Variants in TUFM observed in about 807,000 individuals in gnomAD.
TUFM encodes elongation factor Tu, mitochondrial.
In TUFM, 23 loss-of-function variants were observed where a neutral mutation model predicts 45.0. The ratio of observed to expected loss-of-function variants is 0.51; its 90% CI spans 0.37 to 0.72. TUFM has a LOEUF of 0.72. Ranked by LOEUF, TUFM falls within the 30% of genes least tolerant of loss-of-function variation. The pLI is 0.00. For synonymous variants in TUFM, 243 were observed against 252.9 expected (o/e 0.96, Z 0.37); for missense variants, 490 against 610.7 (o/e 0.80, Z 2.08).
At chr16:28,845,181 G>A in intron 3 of TUFM, 126 bp from the exon 4 acceptor site, 3 of 1,561,746 alleles carry the variant, frequency 1.9e-6, no homozygotes, top group Non-Finnish European at 2.6e-6. Flanking sequence ...CACCCATTCT[G>A]CGTGGCCAAG....
Position 28,844,252 on chromosome 16 carries a change from C to A in TUFM, c.900G>T (p.Lys300Asn). Residue 300 changes from lysine to asparagine, a missense_variant, in exon 7 of 10, where the codon AAG (lysine) becomes AAT (asparagine). Lys to Asn is a moderately conservative substitution (Grantham distance 94). Coordinates refer to ENST00000313511, the MANE Select transcript of TUFM (RefSeq NM_003321.5). The surrounding 1 kb of genome is among the most constrained non-coding windows in gnomAD (Gnocchi z 5.8). ...AACCTGTCACCACAGTGCGGATGTT[C>A]TTGCTATGTCCTAGGAGCTCACACT... is the stretch of plus-strand genomic sequence containing the variant. The part of the protein sequence containing the change: ...GDECELLGHS[K>N]NIRTVVTGIE... The A allele has an allele frequency of 6.2e-7, 1 of 1,614,194 alleles. No individual in the cohort carries two copies. Among genetic ancestry groups the A allele is most frequent in the South Asian group, 1.1e-5 (1 of 91,088 alleles).
rs61737565 is a variant in TUFM, at chr16:28,844,201, G to C, written c.922+29C>G. The C allele has an allele frequency of 0.37, 601,062 of 1,613,226 alleles. 116,887 individuals are homozygous for C. Among genetic ancestry groups the C allele is most frequent in the Admixed American group, 0.47 (28,085 of 60,000 alleles). On this transcript the variant is annotated intron_variant, in intron 7 of 9. Coordinates refer to ENST00000313511, the MANE Select transcript of TUFM (RefSeq NM_003321.5). The surrounding 1 kb of genome is among the most constrained non-coding windows in gnomAD (Gnocchi z 5.8). ...CGGGGTAAGGCCACCCTTCAGCCAG[G>C]CCCTGCTCTCCAGACTGGCTTCCCA...
Position 28,843,201 on chromosome 16 carries a change from TAA to T in TUFM, c.1195-55_1195-54del, listed in dbSNP as rs546848930. On this transcript the variant is annotated intron_variant, in intron 9 of 9. Transcript: ENST00000313511. Reference sequence around the variant, plus strand: ...TGGCCTCCAGGGTGCCTTCATTCCTTAAGTCTTTTTTGGCTACCTCGGAGGTT... The same window carrying T: ...TGGCCTCCAGGGTGCCTTCATTCCTTGTCTTTTTTGGCTACCTCGGAGGTT... 7.5e-6 allele frequency: 12 copies of T among 1,602,294 alleles called. No individual in the cohort carries two copies. In the East Asian group the frequency reaches 2.2e-4, roughly 30 times the overall value.
In TUFM at chr16:28,844,169, G is replaced by T. The variant is rs1459497725; in HGVS notation, c.922+61C>A. 1.2e-6 allele frequency: 2 copies of T among 1,613,318 alleles called. No individual in the cohort carries two copies. The highest frequency in any genetic ancestry group is 2.7e-5 in the African/African-American group (2 of 74,906). ...TGTGAGACAGAGGGAAGGCACAAGGGATCTGCCGGGGTAAGGCCACCCTTC... is the reference window on the plus strand; with the variant it reads ...TGTGAGACAGAGGGAAGGCACAAGGTATCTGCCGGGGTAAGGCCACCCTTC... On this transcript the variant is annotated intron_variant, in intron 7 of 9. Coordinates refer to ENST00000313511, the MANE Select transcript of TUFM (RefSeq NM_003321.5). This position sits in a 1 kb window ranked among gnomAD's most constrained non-coding sequence, Gnocchi z 5.8.
chr16:28,845,286 C>T, intron 3 of TUFM, 28 bp downstream of exon 3: 1 of 1,613,986 alleles, frequency 6.2e-7, no homozygotes, highest in South Asian at 1.1e-5. Flanking sequence ...GCTTCTGGCC[C>T]TGTCTCCAGT....
In TUFM at chr16:28,845,894, C is replaced by T. The variant is rs1961938375; in HGVS notation, c.247+18G>A. The T allele has an allele frequency of 6.2e-7, 1 of 1,612,962 alleles. No individual in the cohort carries two copies. The highest frequency in any genetic ancestry group is 8.5e-7 in the Non-Finnish European group (1 of 1,179,828). ...CATCAGTAGATAGGGCGCTGCTGGA[C>T]GCCCCAACCCCACTCACTCTTCGTG... On this transcript the variant is annotated intron_variant, in intron 2 of 9. Coordinates refer to ENST00000313511, the MANE Select transcript of TUFM (RefSeq NM_003321.5).
intron 3 of TUFM, 66 bp downstream of exon 3, chr16:28,845,248 A>C (rs1237410606): frequency 6.2e-7 from 1 of 1,611,904 alleles, no homozygotes; most frequent in African/African-American, 1.3e-5. Flanking sequence ...CCTCCCCACA[A>C]GCCTAACATT....
chr16:28,844,823 C>G lies in TUFM; in HGVS notation c.559G>C (p.Asp187His), dbSNP rs1388127010. Residue 187 changes from aspartate (D) to histidine (H), a missense_variant, in exon 5 of 10, where the codon GAC becomes CAC. Coordinates refer to ENST00000313511, the MANE Select transcript of TUFM (RefSeq NM_003321.5). This position sits in a 1 kb window ranked among gnomAD's most constrained non-coding sequence, Gnocchi z 5.8. ...EHVVVYVNKA[D>H]AVQDSEMVEL... ...ACCATCTCAGAGTCCTGGACAGCGT[C>G]AGCCTTGTTCACATACACCACCACA... The G allele has an allele frequency of 6.2e-7, 1 of 1,614,094 alleles. No homozygotes were observed. The highest frequency in any genetic ancestry group is 8.5e-7 in the Non-Finnish European group (1 of 1,180,058).
At position 28,846,336 on chromosome 16, in the gene TUFM, G is replaced by A; in HGVS notation, c.-67C>T. 2 of 1,515,288 alleles carry A rather than the reference G, an allele frequency of 1.3e-6. No individual in the cohort carries two copies. Among genetic ancestry groups the A allele is most frequent in the Non-Finnish European group, 1.8e-6 (2 of 1,121,962 alleles). The allele number at this position is 1,515,288 out of a possible 1,614,324, so 93.9% of individuals were successfully genotyped here. A position where few individuals can be genotyped will look rare whatever the true frequency, so the allele number is the denominator to read the frequency against. ...AGCGCACAGAAGAAGAAGGGCGCCT[G>A]CGGCTGGAAGGCACTTCCGGCGGAA... On this transcript the variant is annotated 5_prime_UTR_variant, in exon 1 of 10. Coordinates refer to ENST00000313511, the MANE Select transcript of TUFM (RefSeq NM_003321.5).
rs753487454 is a variant in TUFM at position 28,844,581 on chromosome 16, A to G, written c.685-30T>C. 3 of 1,613,120 alleles carry G rather than the reference A, an allele frequency of 1.9e-6. No homozygotes were observed. In the Admixed American group the frequency reaches 5.0e-5, roughly 27 times the overall value. ...TGAGGGGAAGTGCCAGGACTCTGAA[A>G]TCCCCATTCTACTTCCCTCGATTAT... is the stretch of plus-strand genomic sequence containing the variant. On this transcript the variant is annotated intron_variant, in intron 5 of 9. Coordinates refer to ENST00000313511, the MANE Select transcript of TUFM (RefSeq NM_003321.5). This position sits in a 1 kb window ranked among gnomAD's most constrained non-coding sequence, Gnocchi z 5.8.
At chr16:28,846,175 C>T in intron 1 of TUFM, 43 bp downstream of exon 1, 1 of 1,596,374 alleles carries the variant, frequency 6.3e-7, no homozygotes, top group Non-Finnish European at 8.5e-7. Context: ...TACCACTCCC[C>T]CAAAGTGTTC....
At position 28,844,061 on chromosome 16, in the gene TUFM, G is replaced by A. The variant is rs781514693; in HGVS notation, c.963C>T (p.Ala321=). 3.8e-5 allele frequency: 61 copies of A among 1,614,042 alleles called. No homozygotes were observed. Among genetic ancestry groups the A allele is most frequent in the Middle Eastern group, 3.3e-4 (2 of 6,084 alleles). The change falls in exon 8 of 10, where the codon GCC becomes GCT. Residue 321 remains alanine, a synonymous_variant. Coordinates refer to ENST00000313511, the MANE Select transcript of TUFM (RefSeq NM_003321.5). The surrounding 1 kb of genome is among the most constrained non-coding windows in gnomAD (Gnocchi z 5.8). ...MFHKSLERAE[A]GDNLGALVRG... Reference sequence around the variant, plus strand: ...GGACCAGGGCCCCGAGGTTATCTCCGGCCTCGGCCCTCTCCAGGCTCTTGT... The same window carrying A: ...GGACCAGGGCCCCGAGGTTATCTCCAGCCTCGGCCCTCTCCAGGCTCTTGT...
Position 28,844,877 on chromosome 16 carries a change from G to A in TUFM, c.520-15C>T, listed in dbSNP as rs376592333. On this transcript the variant is annotated splice_polypyrimidine_tract_variant and intron_variant, in intron 4 of 9. Transcript: ENST00000313511. This position sits in a 1 kb window ranked among gnomAD's most constrained non-coding sequence, Gnocchi z 5.8. The stretch of plus-strand genomic sequence containing the variant: ...TCCACCCCAATCTGTAGATGCCAGA[G>A]AGACAGGGACAATATACAGAGGGGC... 7 of 1,614,026 alleles carry A rather than the reference G, an allele frequency of 4.3e-6. No homozygotes were observed. The highest frequency in any genetic ancestry group is 5.9e-6 in the Non-Finnish European group (7 of 1,180,044).
chr16:28,842,820 G>T lies in TUFM; in HGVS notation c.*155C>A. ...TATTCAAAGTTTACTGACCTCCCCA[G>T]CCAGGCAGGCCAACCCTTCCGAGCA... On this transcript the variant is annotated 3_prime_UTR_variant, in exon 10 of 10. Coordinates refer to ENST00000313511, the MANE Select transcript of TUFM (RefSeq NM_003321.5). The T allele has an allele frequency of 1.0e-6, 1 of 989,074 alleles. No homozygotes were observed. Among genetic ancestry groups the T allele is most frequent in the Non-Finnish European group, 1.6e-6 (1 of 629,248 alleles). The allele number at this position is 989,074 out of a possible 1,614,324, so 61.3% of individuals were successfully genotyped here.
In TUFM at chr16:28,844,515, T is replaced by C; in HGVS notation, c.721A>G (p.Lys241Glu). The C allele has an allele frequency of 6.2e-7, 1 of 1,614,032 alleles. No homozygotes were observed. Among genetic ancestry groups the C allele is most frequent in the Non-Finnish European group, 8.5e-7 (1 of 1,180,016 alleles). The change falls in exon 6 of 10, where the codon AAG becomes GAG. Residue 241 changes from lysine (K) to glutamate (E), a missense_variant. By Grantham distance (56) the Lys-to-Glu change is moderately conservative. Coordinates refer to ENST00000313511, the MANE Select transcript of TUFM (RefSeq NM_003321.5). This position sits in a 1 kb window ranked among gnomAD's most constrained non-coding sequence, Gnocchi z 5.8. Reference protein sequence around the residue: ...DPELGLKSVQKLLDAVDTYIP... With the variant: ...DPELGLKSVQELLDAVDTYIP... ...TAAGTGTCCACAGCATCCAGTAGCT[T>C]CTGCACAGACTTCAGGCCTAACTCA... is the stretch of plus-strand genomic sequence containing the variant.
chr16:28,844,459 C>T lies in TUFM; in HGVS notation c.777G>A (p.Lys259=). 3 of 1,614,188 alleles carry T rather than the reference C, an allele frequency of 1.9e-6. No homozygotes were observed. Among genetic ancestry groups the T allele is most frequent in the Non-Finnish European group, 2.5e-6 (3 of 1,180,036 alleles). ...YIPVPARDLE[K]PFLLPVEAVY... is the part of the protein sequence containing the mutation. ...CCGCCTCCACAGGCAGCAGGAAAGG[C>T]TTCTCCAGGTCCCGGGCGGGCACTG... is the stretch of plus-strand genomic sequence containing the variant. The change falls in exon 6 of 10, where the codon AAG becomes AAA. Residue 259 remains lysine (K), a synonymous_variant. Coordinates refer to ENST00000313511, the MANE Select transcript of TUFM (RefSeq NM_003321.5). The surrounding 1 kb of genome is among the most constrained non-coding windows in gnomAD (Gnocchi z 5.8).
chr16:28,845,927 C>T lies in TUFM; in HGVS notation c.232G>A (p.Ala78Thr). 6.2e-7 allele frequency: 1 copy of T among 1,614,004 alleles called. No homozygotes were observed. The highest frequency in any genetic ancestry group is 8.5e-7 in the Non-Finnish European group (1 of 1,179,964). The part of the protein sequence containing the change: ...HVDHGKTTLT[A>T]AITKILAEGG... ...CCCCACTCACTCTTCGTGATGGCTGCAGTCAGCGTGGTCTTCCCGTGGTCC... is the reference window on the plus strand; with the variant it reads ...CCCCACTCACTCTTCGTGATGGCTGTAGTCAGCGTGGTCTTCCCGTGGTCC... Residue 78 changes from alanine (A) to threonine (T), a missense_variant, in exon 2 of 10, where the codon GCA (alanine) becomes ACA (threonine). By Grantham distance (58) the Ala-to-Thr change is moderately conservative. Transcript: ENST00000313511.
rs373089107 is a variant in TUFM, at chr16:28,843,225, G to A, written c.1195-77C>T. ...TTAAGTCTTTTTTGGCTACCTCGGA[G>A]GTTAAGAGTCATGGGAGAATGCAGC... On this transcript the variant is annotated intron_variant, in intron 9 of 9. Transcript: ENST00000313511. 466 of 1,489,022 alleles carry A rather than the reference G, an allele frequency of 3.1e-4. 5 individuals are homozygous for A. In the South Asian group the frequency reaches 5.0e-3, roughly 16 times the overall value. The allele number at this position is 1,489,022 out of a possible 1,614,324, so 92.2% of individuals were successfully genotyped here.
chr16:28,846,240 C>T lies in TUFM; in HGVS notation c.30G>A (p.Leu10=). The T allele has an allele frequency of 1.3e-6, 2 of 1,569,350 alleles. No homozygotes were observed. Among genetic ancestry groups the T allele is most frequent in the Non-Finnish European group, 1.7e-6 (2 of 1,157,796 alleles). ...CACCGCTGAAGTGGGGCGTCGCGCG[C>T]AGCAGGGTGGCGGCCGCCATTGTGG... The part of the protein sequence containing the change: MTTMAAATL[L]RATPHFSGLA... The change falls in exon 1 of 10, where the codon CTG becomes CTA. Residue 10 remains leucine, a synonymous_variant. Transcript: ENST00000313511.
Sources: allele counts gnomAD v4.1 joint callset, GRCh38; gene constraint gnomAD v4.1.1; non-coding constraint Gnocchi (gnomAD v3.1); transcripts MANE v1.5; gene names NCBI Gene and HGNC (gene_info 2026-07-23, HGNC 2026-07-21).